APBB2: variants seen among roughly 807,000 people sequenced by gnomAD.
APBB2 encodes Fe65-like 1.
Under a neutral mutation model 82.5 loss-of-function variants are expected in APBB2, and 38 were observed. That is an observed-to-expected ratio of 0.46 (90% CI 0.36 to 0.60). The LOEUF (loss-of-function observed/expected upper bound fraction) is 0.60. Ranked by LOEUF, APBB2 falls within the 20% of genes least tolerant of loss-of-function variation. The pLI is 0.00. For synonymous variants in APBB2, 341 were observed against 368.2 expected (o/e 0.93, Z 0.85); for missense variants, 772 against 972.3 (o/e 0.79, Z 2.74).
At chr4:41,043,610 T>A (rs1722316878) in intron 4 of APBB2, among the ~76,000 whole-genome samples, 1 of 152,204 alleles carries the variant, frequency 6.6e-6, no homozygotes, top group African/African-American at 2.4e-5. Context: ...AACTACCATC[T>A]TAATCAAAAC....
intron 10 of APBB2, among the ~76,000 whole-genome samples, chr4:40,908,028 G>A (rs1003646675): frequency 6.6e-6 from 1 of 151,080 alleles, no homozygotes; most frequent in African/African-American, 2.4e-5. Context: ...TGTGTGTGTG[G>A]CATATGTGTA....
At chr4:41,112,420 T>C (rs1050465707) in intron 2 of APBB2, among the ~76,000 whole-genome samples, 1 of 152,182 alleles carries the variant, frequency 6.6e-6, no homozygotes, top group Non-Finnish European at 1.5e-5. Flanking sequence ...AACCATCCCA[T>C]GGCCTATGCA....
chr4:40,918,082 T>C lies in APBB2; in HGVS notation c.1254+16374A>G, dbSNP rs150479623. On this transcript the variant is annotated intron_variant, in intron 10 of 17. Coordinates refer to ENST00000508593, the MANE Select transcript of APBB2 (RefSeq NM_004307.2). ...AAGGAGAGGATGGCAGTTCACACTT[T>C]AGCACATAAAACAGAACACAATATT... is the stretch of plus-strand genomic sequence containing the variant. Among the ~76,000 whole-genome samples the C allele has an allele frequency of 3.3e-5, 5 of 152,358 alleles. No individual in the cohort carries two copies. The East Asian group carries it at 7.7e-4, about 23-fold the overall frequency.
intron 12 of APBB2, among the ~76,000 whole-genome samples, chr4:40,885,539 C>G (rs1431198059): frequency 6.6e-6 from 1 of 152,184 alleles, no homozygotes; most frequent in Non-Finnish European, 1.5e-5. Flanking sequence ...AAAAGTCTCA[C>G]TTTCACTGTT....
At chr4:40,854,040 C>T (rs1443577179) in intron 12 of APBB2, among the ~76,000 whole-genome samples, 2 of 152,190 alleles carry the variant, frequency 1.3e-5, no homozygotes, top group Non-Finnish European at 2.9e-5. Context: ...CACATGGATG[C>T]TCCTTATCTG....
chr4:41,022,394 G>T (rs1560546726), intron 5 of APBB2, among the ~76,000 whole-genome samples: 1 of 152,210 alleles, frequency 6.6e-6, no homozygotes, highest in African/African-American at 2.4e-5. Context: ...TGTACATGGA[G>T]TTAATTATTT....
chr4:40,965,760 A>G (rs925654357), intron 6 of APBB2, among the ~76,000 whole-genome samples: 4 of 152,198 alleles, frequency 2.6e-5, no homozygotes, highest in African/African-American at 9.7e-5. Flanking sequence ...GCTTCCAGTG[A>G]GCCAGAGGTT....
At chr4:40,930,388 C>T (rs1219548992) in intron 10 of APBB2, among the ~76,000 whole-genome samples, 6 of 151,168 alleles carry the variant, frequency 4.0e-5, no homozygotes, top group Admixed American at 6.6e-5. Flanking sequence ...AAAACATTTT[C>T]AGAGTTAGAA....
At chr4:41,115,706 AT>A (rs1750752113) in intron 2 of APBB2, among the ~76,000 whole-genome samples, 1 of 152,254 alleles carries the variant, frequency 6.6e-6, no homozygotes, top group African/African-American at 2.4e-5. Flanking sequence ...CAACAAACAT[AT>A]GAAAAAATGC....
chr4:41,168,371 T>G (rs535623742), intron 1 of APBB2, among the ~76,000 whole-genome samples: 2 of 152,136 alleles, frequency 1.3e-5, no homozygotes, highest in African/African-American at 4.8e-5. Context: ...TTTTAATTAT[T>G]TATTTATTTT....
intron 2 of APBB2, among the ~76,000 whole-genome samples, chr4:41,120,777 C>T (rs1752572719): frequency 6.6e-6 from 1 of 152,196 alleles, no homozygotes; most frequent in Non-Finnish European, 1.5e-5. Flanking sequence ...TTGACTTCTG[C>T]ATATTTCTCT....
chr4:41,171,818 G>A (rs1768344361), intron 1 of APBB2, among the ~76,000 whole-genome samples: 1 of 152,066 alleles, frequency 6.6e-6, no homozygotes, highest in Admixed American at 6.5e-5. Context: ...AAAATTAGCT[G>A]GGCGTGGTGG....
At position 41,123,855 on chromosome 4, in the gene APBB2, A is replaced by C. The variant is rs181854244; in HGVS notation, c.-261+19132T>G. Among the ~76,000 whole-genome samples, 41 of 152,270 alleles carry C rather than the reference A, an allele frequency of 2.7e-4. No individual in the cohort carries two copies. The East Asian group carries it at 4.8e-3, about 18-fold the overall frequency. On this transcript the variant is annotated intron_variant, in intron 2 of 17. Coordinates refer to ENST00000508593, the MANE Select transcript of APBB2 (RefSeq NM_004307.2). ...AACCAAAAAACAAAACAAAACAAAA[A>C]AAAACCACAAGTAAATTTAAACGAT... is the stretch of plus-strand genomic sequence containing the variant.
At chr4:41,124,831 C>T in intron 2 of APBB2, among the ~76,000 whole-genome samples, 1 of 152,218 alleles carries the variant, frequency 6.6e-6, no homozygotes, top group East Asian at 1.9e-4. Flanking sequence ...CACACAAGCT[C>T]TGTTAGCGTC....
chr4:40,960,151 T>C (rs919914046), intron 6 of APBB2, among the ~76,000 whole-genome samples: 3 of 152,058 alleles, frequency 2.0e-5, no homozygotes, highest in African/African-American at 4.8e-5. Context: ...AGACTATGGA[T>C]GGGGAGGAGG....
chr4:41,084,440 A>G (rs926926319), intron 3 of APBB2, among the ~76,000 whole-genome samples: 2 of 152,162 alleles, frequency 1.3e-5, no homozygotes, highest in African/African-American at 4.8e-5. Flanking sequence ...AAGAAAAAGA[A>G]AAAAAAAGAA....
intron 1 of APBB2, among the ~76,000 whole-genome samples, chr4:41,191,425 C>T (rs1346946994): frequency 6.6e-6 from 1 of 150,978 alleles, no homozygotes; most frequent in East Asian, 1.9e-4. Context: ...TTTTATTTCT[C>T]CCCCAACCCT....
intron 2 of APBB2, among the ~76,000 whole-genome samples, chr4:41,123,520 A>G (rs1753499443): frequency 6.6e-6 from 1 of 152,164 alleles, no homozygotes; most frequent in African/African-American, 2.4e-5. Context: ...ACAGTAAACA[A>G]TCAAAAATAT....
chr4:40,927,799 A>T (rs560624377), intron 10 of APBB2, among the ~76,000 whole-genome samples: 1 of 152,250 alleles, frequency 6.6e-6, no homozygotes, highest in East Asian at 1.9e-4. Flanking sequence ...TTCTTTAAAG[A>T]TGTAATTTTC....
Sources: allele counts gnomAD v4.1 joint callset (sites outside exome capture counted in the v4.1 genomes callset), GRCh38; gene constraint gnomAD v4.1.1; transcripts MANE v1.5; gene names NCBI Gene and HGNC (gene_info 2026-07-23, HGNC 2026-07-21).